GNAS-AS1: variants seen among roughly 807,000 people sequenced by gnomAD.
The protein encoded by GNAS-AS1 is GNAS antisense RNA 1 (non-protein coding).
chr20:58,845,040 G>A (rs2085894772), intron 2 of GNAS-AS1, among the ~76,000 whole-genome samples: 1 of 151,870 alleles, frequency 6.6e-6, no homozygotes, highest in African/African-American at 2.4e-5. Flanking sequence ...TTTTACGTGT[G>A]TGTGTGTGTT....
At chr20:58,847,324 T>C (rs1422365030) in intron 2 of GNAS-AS1, among the ~76,000 whole-genome samples, 1 of 152,084 alleles carries the variant, frequency 6.6e-6, no homozygotes, top group African/African-American at 2.4e-5. Flanking sequence ...TTAGCTGGCA[T>C]TTGCTTCAAA....
At chr20:58,831,010 A>G (rs1453120659) in intron 4 of GNAS-AS1, among the ~76,000 whole-genome samples, 1 of 152,232 alleles carries the variant, frequency 6.6e-6, no homozygotes, top group Non-Finnish European at 1.5e-5. Flanking sequence ...CTTTCAGAGG[A>G]CAACGCAAGG....
At chr20:58,827,912 A>T (rs1287426510) in intron 4 of GNAS-AS1, among the ~76,000 whole-genome samples, 1 of 152,282 alleles carries the variant, frequency 6.6e-6, no homozygotes, top group East Asian at 1.9e-4. Context: ...ATTAGATAAT[A>T]CATGTAATTC....
chr20:58,849,980 C>G (rs1224380207), intron 1 of GNAS-AS1, among the ~76,000 whole-genome samples: 1 of 152,176 alleles, frequency 6.6e-6, no homozygotes, highest in Non-Finnish European at 1.5e-5. Context: ...CCATGGCATC[C>G]TCAGAGAGAT....
At chr20:58,827,937 G>A (rs6128441) in intron 4 of GNAS-AS1, among the ~76,000 whole-genome samples, 59,048 of 152,052 alleles carry the variant, frequency 0.39, 13,685 homozygotes, top group East Asian at 0.79. Context: ...AATTGCATGC[G>A]CAGTTACACA....
chr20:58,840,033 G>A lies in GNAS-AS1; in HGVS notation n.819+1904C>T. ...ATAGGGTGTACCTTTCCCGGCTCCA[G>A]CAGCCAATGTGCTTCGGAGCCACTC... On this transcript the variant is annotated intron_variant and non_coding_transcript_variant, in intron 4 of 4. Transcript: ENST00000424094. The surrounding 1 kb of genome is among the most constrained non-coding windows in gnomAD (Gnocchi z 6.0). The A allele has an allele frequency of 1.3e-6, 2 of 1,544,164 alleles. No homozygotes were observed. Among genetic ancestry groups the A allele is most frequent in the Non-Finnish European group, 1.8e-6 (2 of 1,128,188 alleles).
chr20:58,829,074 C>G (rs2085539139), intron 4 of GNAS-AS1, among the ~76,000 whole-genome samples: 2 of 152,190 alleles, frequency 1.3e-5, no homozygotes, highest in South Asian at 4.1e-4. Flanking sequence ...CACCACCCCA[C>G]TCAACATGGC....
In GNAS-AS1 at chr20:58,841,835, C is replaced by A; in HGVS notation, n.819+102G>T. 1 of 1,230,970 alleles carries A rather than the reference C, an allele frequency of 8.1e-7. No homozygotes were observed. Among genetic ancestry groups the A allele is most frequent in the South Asian group, 4.3e-5 (1 of 23,512 alleles). The allele number at this position is 1,230,970 out of a possible 1,614,324, so 76.3% of individuals were successfully genotyped here. A position where few individuals can be genotyped will look rare whatever the true frequency, so the allele number is the denominator to read the frequency against. Reference sequence around the variant, plus strand: ...CAGGAGACGTCCTGGGCTGTTTGCGCAGGACCTCTGGAGGCCCTCGAGATC... The same window carrying A: ...CAGGAGACGTCCTGGGCTGTTTGCGAAGGACCTCTGGAGGCCCTCGAGATC... On this transcript the variant is annotated intron_variant and non_coding_transcript_variant, in intron 4 of 4. Coordinates refer to ENST00000424094, the Ensembl canonical transcript of GNAS-AS1. This position sits in a 1 kb window ranked among gnomAD's most constrained non-coding sequence, Gnocchi z 5.0.
chr20:58,830,074 C>G (rs944713974), intron 4 of GNAS-AS1, among the ~76,000 whole-genome samples: 4 of 152,024 alleles, frequency 2.6e-5, no homozygotes, highest in Non-Finnish European at 5.9e-5. Context: ...ATTTTAGGCT[C>G]TTTCTGCATG....
At chr20:58,839,059 C>A in intron 4 of GNAS-AS1, 1 of 398,480 alleles carries the variant, frequency 2.5e-6, no homozygotes, top group Non-Finnish European at 4.4e-6. Flanking sequence ...TCCCTTTACC[C>A]ATGCTCTCAG....
intron 2 of GNAS-AS1, among the ~76,000 whole-genome samples, chr20:58,846,370 G>C (rs912856722): frequency 2.0e-5 from 3 of 152,164 alleles, no homozygotes; most frequent in African/African-American, 7.2e-5. Context: ...AGCCAAATAT[G>C]GCATTGGAGG....
Position 58,828,765 on chromosome 20 carries a change from G to A in GNAS-AS1, n.820-9510C>T, listed in dbSNP as rs557620430. The stretch of plus-strand genomic sequence containing the variant: ...ATACCTTGTCTTGATACCTTGTCAC[G>A]TGCAGCCTAAAGGCACCTTGTTCTC... On this transcript the variant is annotated intron_variant and non_coding_transcript_variant, in intron 4 of 4. Transcript: ENST00000424094. Among the ~76,000 whole-genome samples the A allele has an allele frequency of 5.9e-5, 9 of 152,254 alleles. No homozygotes were observed. The South Asian group carries it at 6.2e-4, about 11-fold the overall frequency.
chr20:58,836,209 AC>A (rs2085601900), intron 4 of GNAS-AS1: 1 of 152,200 alleles, frequency 6.6e-6, no homozygotes, highest in Admixed American at 6.5e-5. Context: ...CACGCACACC[AC>A]GAAAAACATC....
exon 4 of GNAS-AS1, chr20:58,842,161 C>T (rs1236974636): frequency 1.0e-5 from 4 of 398,746 alleles, no homozygotes; most frequent in East Asian, 7.1e-5. Context: ...AGCACAAAAA[C>T]GGCAGCAATC....
chr20:58,827,889 A>G (rs2085531181), intron 4 of GNAS-AS1, among the ~76,000 whole-genome samples: 1 of 152,214 alleles, frequency 6.6e-6, no homozygotes, highest in African/African-American at 2.4e-5. Flanking sequence ...GCTTTATCGA[A>G]TATTTTAAAG....
intron 4 of GNAS-AS1, among the ~76,000 whole-genome samples, chr20:58,827,522 T>C (rs2085528966): frequency 6.6e-6 from 1 of 152,242 alleles, no homozygotes. Flanking sequence ...AGGTGTGTAC[T>C]ACGACATGGT....
exon 1 of GNAS-AS1, chr20:58,850,667 C>G (rs1300609333): frequency 2.5e-6 from 1 of 399,182 alleles, no homozygotes; most frequent in Non-Finnish European, 4.4e-6. Context: ...CCTCACCTTG[C>G]CCGGCAGTGG....
At chr20:58,830,675 TCAC>T (rs1220918850) in intron 4 of GNAS-AS1, among the ~76,000 whole-genome samples, 1 of 94,098 alleles carries the variant, frequency 1.1e-5, no homozygotes, top group Non-Finnish European at 2.3e-5. Context: ...ACCATCACCA[TCAC>T]CACTACCATC....
At position 58,819,224 on chromosome 20, in the gene GNAS-AS1, G is replaced by A. The variant is rs1005029423; in HGVS notation, n.851C>T. 1.5e-5 allele frequency: 6 copies of A among 398,700 alleles called. No homozygotes were observed. In the East Asian group the frequency reaches 2.1e-4, roughly 14 times the overall value. The allele number at this position is 398,700 out of a possible 1,614,324, so 24.7% of individuals were successfully genotyped here. On this transcript the variant is annotated non_coding_transcript_exon_variant, in exon 5 of 5. Coordinates refer to ENST00000424094, the Ensembl canonical transcript of GNAS-AS1. Reference sequence around the variant, plus strand: ...CTCTGGAGAGGCACAGCTGCAGAAGGTTCCAGGGACCCTTGGAAGCAGACA... The same window carrying A: ...CTCTGGAGAGGCACAGCTGCAGAAGATTCCAGGGACCCTTGGAAGCAGACA...
Sources: allele counts gnomAD v4.1 joint callset (sites outside exome capture counted in the v4.1 genomes callset), GRCh38; gene constraint gnomAD v4.1.1; non-coding constraint Gnocchi (gnomAD v3.1); transcripts MANE v1.5; gene names NCBI Gene and HGNC (gene_info 2026-07-23, HGNC 2026-07-21).